Variants in DOCK4 observed in about 807,000 individuals in gnomAD.
DOCK4 encodes the protein dedicator of cytokinesis 4.
Under a neutral mutation model 268.1 loss-of-function variants are expected in DOCK4, and 97 were observed. The observed-to-expected ratio is 0.36, with a 90% confidence interval of 0.31 to 0.43. DOCK4 has a LOEUF of 0.43. DOCK4 is among the 20% of genes least tolerant of loss of function. The pLI is 1.00. For missense variants in DOCK4, 2,145 were observed against 2,455.7 expected, an observed-to-expected ratio of 0.87 and a Z score of 2.67; for synonymous variants, 954 against 887.2, an observed-to-expected ratio of 1.08 and a Z score of -1.34.
chr7:112,051,045 AAGAAG>A (rs1805305375), intron 1 of DOCK4, among the ~76,000 whole-genome samples: 1 of 152,168 alleles, frequency 6.6e-6, no homozygotes, highest in Non-Finnish European at 1.5e-5. Context: ...AAAATAAACA[AAGAAG>A]AGAGTATTAG....
chr7:112,022,978 G>T (rs538039993), intron 1 of DOCK4, among the ~76,000 whole-genome samples: 1 of 152,126 alleles, frequency 6.6e-6, no homozygotes, highest in South Asian at 2.1e-4. Flanking sequence ...GTGCAGTGGC[G>T]TGGTCTCGGC....
intron 6 of DOCK4, among the ~76,000 whole-genome samples, chr7:111,988,002 T>C (rs1363691723): frequency 1.3e-5 from 2 of 152,190 alleles, no homozygotes; most frequent in African/African-American, 4.8e-5. Context: ...GTGTGCAACA[T>C]CTTGGGAAGA....
intron 8 of DOCK4, among the ~76,000 whole-genome samples, chr7:111,951,134 C>T (rs571040174): frequency 6.6e-6 from 1 of 152,184 alleles, no homozygotes; most frequent in South Asian, 2.1e-4. Context: ...GAAAAACAAA[C>T]CACAATTATT....
chr7:112,014,699 C>A (rs1298273928), intron 1 of DOCK4, among the ~76,000 whole-genome samples: 1 of 152,108 alleles, frequency 6.6e-6, no homozygotes, highest in Non-Finnish European at 1.5e-5. Context: ...AAGCCCACTG[C>A]CTTTTTTTAA....
intron 6 of DOCK4, among the ~76,000 whole-genome samples, 170 bp downstream of exon 6, chr7:111,988,845 A>T (rs915905596): frequency 3.3e-5 from 5 of 152,198 alleles, no homozygotes; most frequent in African/African-American, 1.2e-4. Flanking sequence ...GCTTGAGAAG[A>T]AATGGTTCTC....
intron 12 of DOCK4, among the ~76,000 whole-genome samples, chr7:111,926,266 G>GAATA (rs980581245): frequency 1.7e-5 from 2 of 117,634 alleles, no homozygotes; most frequent in African/African-American, 6.6e-5. Context: ...AAAATACAAT[G>GAATA]AATAAATAAA....
intron 1 of DOCK4, among the ~76,000 whole-genome samples, chr7:112,005,181 G>T (rs1022979344): frequency 1.3e-5 from 2 of 152,190 alleles, no homozygotes; most frequent in African/African-American, 4.8e-5. Flanking sequence ...TTGCTTCAGA[G>T]TGAGATTTAG....
At chr7:112,097,506 G>T (rs949349014) in intron 1 of DOCK4, among the ~76,000 whole-genome samples, 4 of 152,072 alleles carry the variant, frequency 2.6e-5, no homozygotes, top group African/African-American at 9.7e-5. Context: ...GAGCCTGAGA[G>T]GTCAAGGCTG....
chr7:112,012,993 A>G (rs1316652390), intron 1 of DOCK4, among the ~76,000 whole-genome samples: 2 of 152,124 alleles, frequency 1.3e-5, no homozygotes, highest in South Asian at 2.1e-4. Flanking sequence ...TCACGAAAAA[A>G]AGTTAGCAAA....
chr7:112,125,811 GT>G (rs1813167446), intron 1 of DOCK4, among the ~76,000 whole-genome samples: 1 of 151,820 alleles, frequency 6.6e-6, no homozygotes, highest in African/African-American at 2.4e-5. Flanking sequence ...CTATTTTTTT[GT>G]TTTTTGTTTT....
intron 10 of DOCK4, among the ~76,000 whole-genome samples, chr7:111,942,547 A>G (rs1203508762): frequency 6.6e-6 from 1 of 152,154 alleles, no homozygotes; most frequent in Non-Finnish European, 1.5e-5. Context: ...CTTTCCTGCC[A>G]GTTCTGATCA....
Position 111,930,120 on chromosome 7 carries a change from C to G in DOCK4, c.1066+5420G>C, listed in dbSNP as rs544715325. 8.5e-5 allele frequency among the ~76,000 whole-genome samples: 13 copies of G among 152,344 alleles called. No homozygotes were observed. In the South Asian group the frequency reaches 2.7e-3, roughly 32 times the overall value. ...ATACTTTTAGAATTTCAAATTCTCA[C>G]AACATTGCCTTTGGATTTAAAATTC... On this transcript the variant is annotated intron_variant, in intron 12 of 52. Transcript: ENST00000428084.
chr7:112,180,852 G>A (rs1818965213), intron 1 of DOCK4, among the ~76,000 whole-genome samples: 1 of 152,174 alleles, frequency 6.6e-6, no homozygotes, highest in Admixed American at 6.5e-5. Context: ...GCCCCTCTAG[G>A]AAGCATCCCC....
At chr7:111,784,713 T>C (rs1478161613) in intron 32 of DOCK4, among the ~76,000 whole-genome samples, 1 of 152,184 alleles carries the variant, frequency 6.6e-6, no homozygotes, top group East Asian at 1.9e-4. Flanking sequence ...TTACAATCTG[T>C]GTCACTTTCA....
intron 1 of DOCK4, among the ~76,000 whole-genome samples, chr7:112,095,640 A>G (rs1469585547): frequency 6.6e-6 from 1 of 152,232 alleles, no homozygotes; most frequent in Non-Finnish European, 1.5e-5. Context: ...TCATTGATGT[A>G]GAGAAGGACA....
intron 24 of DOCK4, among the ~76,000 whole-genome samples, chr7:111,845,919 G>A (rs1342071141): frequency 2.0e-5 from 3 of 152,032 alleles, no homozygotes; most frequent in East Asian, 1.9e-4. Flanking sequence ...TTATAGAGGC[G>A]GGTTTAAAAC....
At chr7:112,075,357 T>C (rs1019720438) in intron 1 of DOCK4, among the ~76,000 whole-genome samples, 14 of 152,176 alleles carry the variant, frequency 9.2e-5, no homozygotes, top group Admixed American at 2.6e-4. Context: ...CAGAGAGCTA[T>C]TGGGAGCCTC....
At chr7:111,777,257 C>T (rs1474535071) in intron 36 of DOCK4, among the ~76,000 whole-genome samples, 1 of 152,170 alleles carries the variant, frequency 6.6e-6, no homozygotes, top group Non-Finnish European at 1.5e-5. Flanking sequence ...ACATATCCTT[C>T]AGGGATAAAG....
intron 12 of DOCK4, among the ~76,000 whole-genome samples, chr7:111,918,957 T>C (rs1181139621): frequency 1.3e-5 from 2 of 152,058 alleles, no homozygotes; most frequent in Non-Finnish European, 1.5e-5. Context: ...TCATGTGGTA[T>C]ACATAAAGGA....
Sources: allele counts gnomAD v4.1 joint callset (sites outside exome capture counted in the v4.1 genomes callset), GRCh38; gene constraint gnomAD v4.1.1; transcripts MANE v1.5; gene names NCBI Gene and HGNC (gene_info 2026-07-23, HGNC 2026-07-21).